Variants in CARS1 observed in about 807,000 individuals in gnomAD.
CARS1 encodes cysteine--tRNA ligase, cytoplasmic.
Under a neutral mutation model 106.2 loss-of-function variants are expected in CARS1, and 48 were observed. The observed-to-expected ratio is 0.45, with a 90% confidence interval of 0.36 to 0.57. The LOEUF (loss-of-function observed/expected upper bound fraction) is 0.57. Ranked by LOEUF, CARS1 falls within the 20% of genes least tolerant of loss-of-function variation. CARS1 has a pLI of 0.00. For synonymous variants in CARS1, 409 were observed against 403.4 expected (o/e 1.01, Z -0.17); for missense variants, 968 against 1,057.2 (o/e 0.92, Z 1.17).
chr11:3,004,029 T>C lies in CARS1; in HGVS notation c.2217+1337A>G, dbSNP rs1849629905. 6.6e-6 allele frequency among the ~76,000 whole-genome samples: 1 copy of C among 152,178 alleles called. No homozygotes were observed. Among genetic ancestry groups the C allele is most frequent in the Admixed American group, 6.5e-5 (1 of 15,282 alleles). ...TTGTCTGTTTCCTGCTTCTGAGCAC[T>C]CTGCCAGGGAGTGCAGCAAGCCAGG... On this transcript the variant is annotated intron_variant, in intron 20 of 22. Coordinates refer to ENST00000380525, the MANE Select transcript of CARS1 (RefSeq NM_001014437.3). This position sits in a 1 kb window ranked among gnomAD's most constrained non-coding sequence, Gnocchi z 5.2.
chr11:3,026,860 T>C (rs1327558260), intron 9 of CARS1, 63 bp from the exon 10 acceptor site: 2 of 1,560,198 alleles, frequency 1.3e-6, no homozygotes, highest in South Asian at 1.2e-5. Flanking sequence ...GTCAGCAGGA[T>C]GACAGTAACA....
chr11:3,042,652 C>T (rs1239962121), intron 2 of CARS1, among the ~76,000 whole-genome samples: 1 of 152,230 alleles, frequency 6.6e-6, no homozygotes, highest in Non-Finnish European at 1.5e-5. Flanking sequence ...CAAATACTGG[C>T]CCCTTTCTGG....
At chr11:3,047,043 C>T (rs1041502190) in intron 2 of CARS1, among the ~76,000 whole-genome samples, 27 of 152,010 alleles carry the variant, frequency 1.8e-4, no homozygotes, top group Admixed American at 3.3e-4. Context: ...TTTGGGAGGC[C>T]GAGGCGGGTG....
rs1851428133 is a variant in CARS1, at chr11:3,020,042, G to A, written c.1266+178C>T. Reference sequence around the variant, plus strand: ...GGGAAGTGATTTGTCCAGAGACTCAGGGAGTCTCCATGATGTCCAGGTCCC... The same window carrying A: ...GGGAAGTGATTTGTCCAGAGACTCAAGGAGTCTCCATGATGTCCAGGTCCC... On this transcript the variant is annotated intron_variant, in intron 11 of 22. Coordinates refer to ENST00000380525, the MANE Select transcript of CARS1 (RefSeq NM_001014437.3). This position sits in a 1 kb window ranked among gnomAD's most constrained non-coding sequence, Gnocchi z 4.6. 6.6e-6 allele frequency among the ~76,000 whole-genome samples: 1 copy of A among 152,236 alleles called. No homozygotes were observed. Among genetic ancestry groups the A allele is most frequent in the Admixed American group, 6.5e-5 (1 of 15,290 alleles).
In CARS1 at chr11:3,008,473, T is replaced by C. The variant is rs1459887329; in HGVS notation, c.2069-1514A>G. The C allele has an allele frequency of 2.0e-5, 3 of 151,822 alleles. No individual in the cohort carries two copies. Among genetic ancestry groups the C allele is most frequent in the Admixed American group, 2.0e-4 (3 of 15,234 alleles). 9.4% of individuals were successfully genotyped at this position (151,822 alleles called of 1,614,324 possible). A position where few individuals can be genotyped will look rare whatever the true frequency, so the allele number is the denominator to read the frequency against. On this transcript the variant is annotated intron_variant, in intron 18 of 22. Transcript: ENST00000380525. This position sits in a 1 kb window ranked among gnomAD's most constrained non-coding sequence, Gnocchi z 5.1. ...ATCTCTACTAAAAATACAAAAACTA[T>C]CTGGGTGTGGTGGCATGTGCCTGTA...
chr11:3,006,104 C>T (rs1214408059), intron 19 of CARS1, among the ~76,000 whole-genome samples: 2 of 152,184 alleles, frequency 1.3e-5, no homozygotes, highest in African/African-American at 2.4e-5. Context: ...GTACCTCATA[C>T]GCATGTATCC....
rs534092802 is a variant in CARS1, at chr11:3,007,251, C to T, written c.2069-292G>A. The T allele has an allele frequency of 1.6e-4, 71 of 446,200 alleles. No individual in the cohort carries two copies. The East Asian group carries it at 2.5e-3, about 16-fold the overall frequency. 27.6% of individuals were successfully genotyped at this position (446,200 alleles called of 1,614,324 possible). On this transcript the variant is annotated intron_variant, in intron 18 of 22. Transcript: ENST00000380525. ...CCAGGAGGAAGCATAGCACACTGGC[C>T]GCCGGAAGCAGTTCTTCCAGGAAAG...
At position 3,029,561 on chromosome 11, in the gene CARS1, G is replaced by A; in HGVS notation, c.802-118C>T. 1 of 1,084,572 alleles carries A rather than the reference G, an allele frequency of 9.2e-7. No individual in the cohort carries two copies. The highest frequency in any genetic ancestry group is 1.3e-6 in the Non-Finnish European group (1 of 756,414). The allele number at this position is 1,084,572 out of a possible 1,614,324, so 67.2% of individuals were successfully genotyped here. A position where few individuals can be genotyped will look rare whatever the true frequency, so the allele number is the denominator to read the frequency against. On this transcript the variant is annotated intron_variant, in intron 7 of 22. Transcript: ENST00000380525. This position sits in a 1 kb window ranked among gnomAD's most constrained non-coding sequence, Gnocchi z 5.9. Reference sequence around the variant, plus strand: ...TTCAAAGGTGCTGACCTTGACCTGTGAAGAGCCACCGTCTCCTAGGGAGAC... The same window carrying A: ...TTCAAAGGTGCTGACCTTGACCTGTAAAGAGCCACCGTCTCCTAGGGAGAC...
chr11:3,054,604 T>C (rs1031008341), intron 1 of CARS1, among the ~76,000 whole-genome samples: 3 of 152,098 alleles, frequency 2.0e-5, no homozygotes, highest in Non-Finnish European at 4.4e-5. Flanking sequence ...AGGTCCCTAT[T>C]GAGTCAGGCT....
chr11:3,045,424 C>T lies in CARS1; in HGVS notation c.274+2329G>A, dbSNP rs550976024. Among the ~76,000 whole-genome samples the T allele has an allele frequency of 1.2e-4, 19 of 152,250 alleles. No homozygotes were observed. Among genetic ancestry groups the T allele is most frequent in the African/African-American group, 4.6e-4 (19 of 41,550 alleles). On this transcript the variant is annotated intron_variant, in intron 2 of 22. Coordinates refer to ENST00000380525, the MANE Select transcript of CARS1 (RefSeq NM_001014437.3). The surrounding 1 kb of genome is among the most constrained non-coding windows in gnomAD (Gnocchi z 5.6). Reference sequence around the variant, plus strand: ...GGACTATAGGCACCCGCCATCACGCCCGGCTAATTTTTTGTATTTTTAGTA... The same window carrying T: ...GGACTATAGGCACCCGCCATCACGCTCGGCTAATTTTTTGTATTTTTAGTA...
chr11:3,042,387 C>T lies in CARS1; in HGVS notation c.275-131G>A, dbSNP rs1237099791. ...ATGAAATTTAAACAATGTGAAACCA[C>T]ACGAATCTCGGTCAACATTACGCAG... On this transcript the variant is annotated intron_variant, in intron 2 of 22. Coordinates refer to ENST00000380525, the MANE Select transcript of CARS1 (RefSeq NM_001014437.3). 1.4e-5 allele frequency: 9 copies of T among 624,246 alleles called. No individual in the cohort carries two copies. In the South Asian group the frequency reaches 1.6e-4, roughly 11 times the overall value. The allele number at this position is 624,246 out of a possible 1,614,324, so 38.7% of individuals were successfully genotyped here.
chr11:3,033,213 C>T (rs573889555), intron 7 of CARS1, among the ~76,000 whole-genome samples: 3 of 152,130 alleles, frequency 2.0e-5, no homozygotes, highest in South Asian at 2.1e-4. Flanking sequence ...ATTAACCACA[C>T]GGCCAACAGG....
chr11:3,056,166 A>T (rs1388609206), intron 1 of CARS1, among the ~76,000 whole-genome samples: 1 of 152,350 alleles, frequency 6.6e-6, no homozygotes, highest in East Asian at 1.9e-4. Flanking sequence ...TCGGGTTGTC[A>T]TAACTACCTA....
rs1051954495 is a variant in CARS1, at chr11:3,021,643, A to G, written c.1154-1311T>C. Among the ~76,000 whole-genome samples the G allele has an allele frequency of 6.6e-6, 1 of 152,254 alleles. No homozygotes were observed. The highest frequency in any genetic ancestry group is 2.4e-5 in the African/African-American group (1 of 41,470). The stretch of plus-strand genomic sequence containing the variant: ...ATAAAAAAAGAAAACTAGGAAAAAA[A>G]TTGCCATTATCTTTTAACCTAGGAA... On this transcript the variant is annotated intron_variant, in intron 10 of 22. Coordinates refer to ENST00000380525, the MANE Select transcript of CARS1 (RefSeq NM_001014437.3). The surrounding 1 kb of genome is among the most constrained non-coding windows in gnomAD (Gnocchi z 5.3).
At chr11:3,007,272 G>T in intron 18 of CARS1, 1 of 422,518 alleles carries the variant, frequency 2.4e-6, no homozygotes, top group African/African-American at 2.0e-5. Context: ...GTTCTTCCAG[G>T]AAAGGGACAC....
chr11:3,025,167 G>A (rs1056660796), intron 10 of CARS1, among the ~76,000 whole-genome samples: 4 of 152,158 alleles, frequency 2.6e-5, no homozygotes, highest in African/African-American at 9.7e-5. Context: ...CCATGGGTCT[G>A]ATATTTATGT....
In CARS1 at chr11:3,001,153, C is replaced by T. The variant is rs765852080; in HGVS notation, c.2457G>A (p.Lys819=). The T allele has an allele frequency of 6.2e-7, 1 of 1,614,126 alleles. No individual in the cohort carries two copies. Among genetic ancestry groups the T allele is most frequent in the South Asian group, 1.1e-5 (1 of 91,082 alleles). ...KLFEAQEKLY[K]EYLQMAQNGS... is the part of the protein sequence containing the mutation. Reference sequence around the variant, plus strand: ...CATTCTGGGCCATCTGCAGATATTCCTTGTAGAGCTTCTCCTGAGCCTCGA... The same window carrying T: ...CATTCTGGGCCATCTGCAGATATTCTTTGTAGAGCTTCTCCTGAGCCTCGA... Residue 819 remains lysine, a synonymous_variant, in exon 23 of 23, where the codon AAG becomes AAA. Transcript: ENST00000380525.
Position 3,048,125 on chromosome 11 carries a change from G to A in CARS1, c.26-124C>T, listed in dbSNP as rs1250602827. On this transcript the variant is annotated intron_variant, in intron 1 of 22. Coordinates refer to ENST00000380525, the MANE Select transcript of CARS1 (RefSeq NM_001014437.3). The surrounding 1 kb of genome is among the most constrained non-coding windows in gnomAD (Gnocchi z 5.1). ...AAGGTGTTCAAGCCCTTCCCTGGAC[G>A]CCAAACATCCAGAACAGGCAAAGGC... 18 of 1,205,752 alleles carry A rather than the reference G, an allele frequency of 1.5e-5. No homozygotes were observed. Among genetic ancestry groups the A allele is most frequent in the South Asian group, 3.1e-5 (2 of 65,064 alleles). 74.7% of individuals were successfully genotyped at this position (1,205,752 alleles called of 1,614,324 possible). A position where few individuals can be genotyped will look rare whatever the true frequency, so the allele number is the denominator to read the frequency against.
Position 3,011,745 on chromosome 11 carries a change from G to A in CARS1, c.2068+450C>T, listed in dbSNP as rs147341062. On this transcript the variant is annotated intron_variant, in intron 18 of 22. Transcript: ENST00000380525. ...AAGGGAACCCTGGAAGCTGCAGCTCGGCTCCACTCGGCAGCAGGAACGAGC... is the reference window on the plus strand; with the variant it reads ...AAGGGAACCCTGGAAGCTGCAGCTCAGCTCCACTCGGCAGCAGGAACGAGC... 1.4e-4 allele frequency among the ~76,000 whole-genome samples: 21 copies of A among 152,276 alleles called. No individual in the cohort carries two copies. In the East Asian group the frequency reaches 3.3e-3, roughly 24 times the overall value.
Sources: gnomAD v4.1 joint callset for allele counts (sites outside exome capture counted in the v4.1 genomes callset) on GRCh38, gnomAD v4.1.1 for gene constraint, Gnocchi (gnomAD v3.1) non-coding constraint, MANE v1.5 for transcripts, NCBI Gene and HGNC (gene_info 2026-07-23, HGNC 2026-07-21) for gene names.